The following WDR49 variants were observed in gnomAD, a reference collection of about 807,000 sequenced individuals.
WDR49 encodes the protein WD repeat domain 49, also known as cilia- and flagella-associated protein 337.
Under a neutral mutation model 119.5 loss-of-function variants are expected in WDR49, and 107 were observed. The observed-to-expected ratio is 0.90, with a 90% CI of 0.77 to 1.05. WDR49 has a LOEUF of 1.05. WDR49 is among the 50% of genes least tolerant of loss of function. The pLI, the probability that WDR49 is intolerant of heterozygous loss-of-function variation, is 0.00. For synonymous variants in WDR49, 425 were observed against 418.8 expected, an observed-to-expected ratio of 1.01 and a Z score of -0.18; for missense variants, 1,240 against 1,220.5, an observed-to-expected ratio of 1.02 and a Z score of -0.24.
At chr3:167,498,785 A>T (rs1342342525) in intron 18 of WDR49, among the ~76,000 whole-genome samples, 1 of 152,166 alleles carries the variant, frequency 6.6e-6, no homozygotes, top group African/African-American at 2.4e-5. Context: ...GAGGGGGTTC[A>T]ATACAGTTGC....
intron 13 of WDR49, among the ~76,000 whole-genome samples, chr3:167,530,910 T>C (rs1752828429): frequency 6.6e-6 from 1 of 152,078 alleles, no homozygotes; most frequent in Non-Finnish European, 1.5e-5. Flanking sequence ...CTGGATAAAT[T>C]AGTAGTGGGA....
chr3:167,525,746 A>T (rs4321531), intron 15 of WDR49, among the ~76,000 whole-genome samples: 3,002 of 152,218 alleles, frequency 0.02, 71 homozygotes, highest in Non-Finnish European at 0.022. Flanking sequence ...CTAGAAATAG[A>T]CATACCATAC....
intron 7 of WDR49, among the ~76,000 whole-genome samples, chr3:167,578,997 T>A (rs573097577): frequency 1.3e-5 from 2 of 152,236 alleles, no homozygotes; most frequent in East Asian, 3.9e-4. Flanking sequence ...CTTGTGATAG[T>A]ATGTGAGTTT....
chr3:167,604,203 G>T, intron 6 of WDR49, 98 bp downstream of exon 6: 1 of 1,387,408 alleles, frequency 7.2e-7, no homozygotes. Context: ...GGTCTCTATA[G>T]CAATACAGCA....
chr3:167,599,225 G>T (rs549186967), intron 7 of WDR49, among the ~76,000 whole-genome samples: 2 of 152,146 alleles, frequency 1.3e-5, no homozygotes, highest in South Asian at 4.2e-4. Flanking sequence ...CAGGAACCAG[G>T]GCTATAGTCA....
In WDR49 at chr3:167,602,276, C is replaced by T. The variant is rs544338566; in HGVS notation, c.1127-1G>A. 16 of 1,559,666 alleles carry T rather than the reference C, an allele frequency of 1.0e-5. No individual in the cohort carries two copies. In the South Asian group the frequency reaches 1.8e-4, roughly 17 times the overall value. On this transcript the variant is annotated splice_acceptor_variant, in intron 6 of 18. Coordinates refer to ENST00000682715, the MANE Select transcript of WDR49 (RefSeq NM_001366157.1). LOFTEE classifies it high-confidence loss of function. ...ACTTTATTGTTAATGCCAGCAGTTGCTAATCAGAATTAGAAAGAAAAAAAA... is the reference window on the plus strand; with the variant it reads ...ACTTTATTGTTAATGCCAGCAGTTGTTAATCAGAATTAGAAAGAAAAAAAA...
intron 10 of WDR49, among the ~76,000 whole-genome samples, chr3:167,545,781 G>C (rs1712152664): frequency 6.7e-6 from 1 of 149,698 alleles, no homozygotes. Flanking sequence ...TTGTGTGATG[G>C]GTACACCAAA....
intron 7 of WDR49, among the ~76,000 whole-genome samples, chr3:167,591,585 G>A (rs549298149): frequency 2.0e-5 from 3 of 152,102 alleles, no homozygotes; most frequent in East Asian, 1.9e-4. Context: ...GGGTGCTCCC[G>A]TTTTGGGTAC....
At chr3:167,504,278 C>T (rs1460833672) in intron 17 of WDR49, among the ~76,000 whole-genome samples, 1 of 152,220 alleles carries the variant, frequency 6.6e-6, no homozygotes, top group Non-Finnish European at 1.5e-5. Context: ...AGAACAACCA[C>T]AAGGGCTGTA....
intron 7 of WDR49, among the ~76,000 whole-genome samples, chr3:167,591,446 T>C (rs1187464403): frequency 6.6e-6 from 1 of 152,056 alleles, no homozygotes; most frequent in Admixed American, 6.6e-5. Context: ...CAAAGTCTGA[T>C]GTTTCTTTGT....
upstream of WDR49, among the ~76,000 whole-genome samples, chr3:167,654,206 T>C (rs1316606360): frequency 6.6e-6 from 1 of 152,186 alleles, no homozygotes; most frequent in South Asian, 2.1e-4. Flanking sequence ...TGAAACTATA[T>C]GATTAGTCAA....
intron 1 of WDR49, among the ~76,000 whole-genome samples, 167 bp downstream of exon 1, chr3:167,653,667 C>A (rs899218145): frequency 1.3e-5 from 2 of 152,180 alleles, no homozygotes; most frequent in Non-Finnish European, 1.5e-5. Flanking sequence ...CAGTTGAATG[C>A]TTTTAAAATG....
chr3:167,483,907 TA>T (rs1214012904), intron 18 of WDR49, among the ~76,000 whole-genome samples: 1 of 152,196 alleles, frequency 6.6e-6, no homozygotes, highest in Non-Finnish European at 1.5e-5. Context: ...GTCATTAACT[TA>T]ACATCTTTTA....
At position 167,520,896 on chromosome 3, in the gene WDR49, T is replaced by C. The variant is rs766401546; in HGVS notation, c.2774+1419A>G. 9.9e-5 allele frequency among the ~76,000 whole-genome samples: 15 copies of C among 152,078 alleles called. No homozygotes were observed. The East Asian group carries it at 1.4e-3, about 14-fold the overall frequency. ...GATGATTGCATCAGAGAGAGTCTTA[T>C]GTGTGAATTGAGACCCACTCCATTG... On this transcript the variant is annotated intron_variant, in intron 16 of 18. Coordinates refer to ENST00000682715, the MANE Select transcript of WDR49 (RefSeq NM_001366157.1).
chr3:167,535,746 G>T (rs377082906), intron 11 of WDR49, among the ~76,000 whole-genome samples: 1 of 152,108 alleles, frequency 6.6e-6, no homozygotes. Context: ...GTAAGGAAAT[G>T]AAATCAGCAT....
At chr3:167,594,584 G>T (rs1444954383) in intron 7 of WDR49, among the ~76,000 whole-genome samples, 3 of 152,144 alleles carry the variant, frequency 2.0e-5, no homozygotes, top group Admixed American at 6.6e-5. Context: ...TGTTTAAAGG[G>T]AAGCAGAACA....
chr3:167,620,224 T>A, intron 5 of WDR49, among the ~76,000 whole-genome samples: 1 of 151,898 alleles, frequency 6.6e-6, no homozygotes, highest in East Asian at 1.9e-4. Context: ...ATTAATTGTA[T>A]GAGGCATAAA....
chr3:167,606,997 T>A (rs1311501223), intron 5 of WDR49, among the ~76,000 whole-genome samples: 1 of 152,090 alleles, frequency 6.6e-6, no homozygotes, highest in Non-Finnish European at 1.5e-5. Flanking sequence ...TGTAAAAATA[T>A]GATTGGAAAA....
intron 5 of WDR49, among the ~76,000 whole-genome samples, chr3:167,614,870 G>A (rs151247621): frequency 1.5e-4 from 23 of 152,288 alleles, no homozygotes; most frequent in East Asian, 7.7e-4. Flanking sequence ...ATTGAATCAC[G>A]TTACTGGGGT....
Sources: allele counts gnomAD v4.1 joint callset (sites outside exome capture counted in the v4.1 genomes callset), GRCh38; gene constraint gnomAD v4.1.1; transcripts MANE v1.5; gene names NCBI Gene and HGNC (gene_info 2026-07-23, HGNC 2026-07-21).